IPO13: variants seen among roughly 807,000 people sequenced by gnomAD.
IPO13 encodes the protein importin-13.
A neutral mutation model predicts 115.5 loss-of-function variants in IPO13; 28 were observed. The ratio of observed to expected loss-of-function variants is 0.24; its 90% confidence interval spans 0.18 to 0.33. IPO13 has a LOEUF of 0.33. Among genes scored for constraint, IPO13 ranks in the 10% least tolerant of loss-of-function variants. The probability of loss-of-function intolerance (pLI) is 1.00; values close to 1 mark genes in which losing one functional copy is unlikely to be tolerated. For missense variants in IPO13, 785 were observed against 1,204.6 expected (o/e 0.65, Z 5.16); for synonymous variants, 414 against 478.9 (o/e 0.86, Z 1.77).
chr1:43,958,136 C>T lies in IPO13; in HGVS notation c.1700C>T (p.Ala567Val), dbSNP rs1351911138. Residue 567 changes from alanine to valine, a missense_variant, in exon 8 of 20, where the codon GCC becomes GTC. By Grantham distance (64) the Ala-to-Val change is moderately conservative. Transcript: ENST00000372343. The surrounding 1 kb of genome is among the most constrained non-coding windows in gnomAD (Gnocchi z 6.3). ...ECKYDLPPYA[A>V]NIVAVSQDVL... is the part of the protein sequence containing the mutation. ...AAGTATGACCTGCCTCCCTATGCTGCCAACATTGTGGCTGTGTCCCAGGTA... is the reference window on the plus strand; with the variant it reads ...AAGTATGACCTGCCTCCCTATGCTGTCAACATTGTGGCTGTGTCCCAGGTA... 6.2e-7 allele frequency: 1 copy of T among 1,614,210 alleles called. No individual in the cohort carries two copies. The highest frequency in any genetic ancestry group is 1.7e-5 in the Admixed American group (1 of 60,024).
chr1:43,958,199 C>T lies in IPO13; in HGVS notation c.1722+41C>T, dbSNP rs377622630. On this transcript the variant is annotated intron_variant, in intron 8 of 19. Transcript: ENST00000372343. This position sits in a 1 kb window ranked among gnomAD's most constrained non-coding sequence, Gnocchi z 6.3. Reference sequence around the variant, plus strand: ...GGATGGTGCTGGGCCTCAGAGCACACTCTGCACTGTGCTGATACTACATTC... The same window carrying T: ...GGATGGTGCTGGGCCTCAGAGCACATTCTGCACTGTGCTGATACTACATTC... 6 of 1,612,868 alleles carry T rather than the reference C, an allele frequency of 3.7e-6. No individual in the cohort carries two copies. In the African/African-American group the frequency reaches 8.0e-5, roughly 22 times the overall value.
intron 14 of IPO13, among the ~76,000 whole-genome samples, chr1:43,963,368 G>A (rs955789440): frequency 6.6e-6 from 1 of 152,168 alleles, no homozygotes; most frequent in African/African-American, 2.4e-5. Flanking sequence ...TGGTTGTCTC[G>A]CTGGACAGGA....
chr1:43,966,796 T>C lies in IPO13; in HGVS notation c.2523+14T>C, dbSNP rs2085328829. The stretch of plus-strand genomic sequence containing the variant: ...TGTGGCTTCTTTGTGAGTCCCATGC[T>C]GAACCCTGACCCACTGCCACCCCAG... On this transcript the variant is annotated intron_variant, in intron 17 of 19. Coordinates refer to ENST00000372343, the MANE Select transcript of IPO13 (RefSeq NM_014652.4). The surrounding 1 kb of genome is among the most constrained non-coding windows in gnomAD (Gnocchi z 4.1). 6.2e-7 allele frequency: 1 copy of C among 1,613,894 alleles called. No homozygotes were observed. Among genetic ancestry groups the C allele is most frequent in the Admixed American group, 1.7e-5 (1 of 59,992 alleles).
chr1:43,956,321 T>C lies in IPO13; in HGVS notation c.823T>C (p.Tyr275His). ...NAISQPDAQR[Y>H]VNTLLKLIPL... ...GATTTTCTCACCTCATGCCTCTAGGTACGTGAACACACTCCTGAAACTCAT... is the reference window on the plus strand; with the variant it reads ...GATTTTCTCACCTCATGCCTCTAGGCACGTGAACACACTCCTGAAACTCAT... Residue 275 changes from tyrosine (Y) to histidine (H), a missense_variant and splice_region_variant, in exon 3 of 20, where the codon TAC becomes CAC. Tyr to His is a moderately conservative substitution (Grantham distance 83, BLOSUM62 2). Transcript: ENST00000372343. This position sits in a 1 kb window ranked among gnomAD's most constrained non-coding sequence, Gnocchi z 4.7. 2 of 1,614,128 alleles carry C rather than the reference T, an allele frequency of 1.2e-6. No homozygotes were observed. Among genetic ancestry groups the C allele is most frequent in the Non-Finnish European group, 1.7e-6 (2 of 1,180,008 alleles).
rs372624545 is a variant in IPO13 at position 43,956,283 on chromosome 1, G to A, written c.822-37G>A. 1.2e-6 allele frequency: 2 copies of A among 1,611,710 alleles called. No homozygotes were observed. Among genetic ancestry groups the A allele is most frequent in the Non-Finnish European group, 1.7e-6 (2 of 1,178,382 alleles). On this transcript the variant is annotated intron_variant, in intron 2 of 19. Coordinates refer to ENST00000372343, the MANE Select transcript of IPO13 (RefSeq NM_014652.4). This position sits in a 1 kb window ranked among gnomAD's most constrained non-coding sequence, Gnocchi z 4.7. ...CTTAAAGCCAGTGTGGGGTTGAGCA[G>A]AGAGCTCTGATGGATTTTCTCACCT...
chr1:43,964,172 G>A lies in IPO13; in HGVS notation c.2345-97G>A, dbSNP rs1571772068. Reference sequence around the variant, plus strand: ...CTTCCTGCTGCTCATGTGCCCCCACGCTGTCTCCCTGCAGGCTCTCAGTCC... The same window carrying A: ...CTTCCTGCTGCTCATGTGCCCCCACACTGTCTCCCTGCAGGCTCTCAGTCC... On this transcript the variant is annotated intron_variant, in intron 14 of 19. Coordinates refer to ENST00000372343, the MANE Select transcript of IPO13 (RefSeq NM_014652.4). 8 of 781,928 alleles carry A rather than the reference G, an allele frequency of 1.0e-5. No homozygotes were observed. In the East Asian group the frequency reaches 1.6e-4, roughly 15 times the overall value. The allele number at this position is 781,928 out of a possible 1,614,324, so 48.4% of individuals were successfully genotyped here. A position where few individuals can be genotyped will look rare whatever the true frequency, so the allele number is the denominator to read the frequency against.
intron 7 of IPO13, 148 bp from the exon 8 acceptor site, chr1:43,957,829 A>G (rs1180404939): frequency 5.1e-6 from 4 of 785,214 alleles, no homozygotes; most frequent in African/African-American, 1.7e-5. Context: ...ATGTTTGAGC[A>G]TGCACATGCA....
In IPO13 at chr1:43,957,193, AG is replaced by A; in HGVS notation, c.1273del. The A allele has an allele frequency of 6.2e-7, 1 of 1,613,454 alleles. No homozygotes were observed. The highest frequency in any genetic ancestry group is 8.5e-7 in the Non-Finnish European group (1 of 1,179,498). ...TATAAAAGGCCTTCATCTGCTTCTC[AG>A]GGTGGACATCTCAGACACGCTCATG... is the stretch of plus-strand genomic sequence containing the variant. On this transcript the variant is annotated splice_acceptor_variant, in intron 5 of 19. Transcript: ENST00000372343. LOFTEE classifies it high-confidence loss of function.
chr1:43,947,827 G>C, intron 1 of IPO13, 143 bp downstream of exon 1: 1 of 426,774 alleles, frequency 2.3e-6, no homozygotes, highest in Non-Finnish European at 4.1e-6. Context: ...TTCTGGGCAG[G>C]CAGTATTGCA....
intron 2 of IPO13, 112 bp downstream of exon 2, chr1:43,950,265 C>A: frequency 7.8e-7 from 1 of 1,278,114 alleles, no homozygotes; most frequent in Admixed American, 2.7e-5. Flanking sequence ...TGGTCCTATG[C>A]TGGAGATACA....
intron 1 of IPO13, among the ~76,000 whole-genome samples, chr1:43,948,675 G>A (rs372835407): frequency 6.6e-6 from 1 of 152,224 alleles, no homozygotes; most frequent in African/African-American, 2.4e-5. Context: ...GCATGGTGGC[G>A]CACTGTTCCA....
Position 43,956,590 on chromosome 1 carries a change from G to C in IPO13, c.993G>C (p.Gln331His). Residue 331 changes from glutamine (Q) to histidine (H), a missense_variant, in exon 4 of 20, where the codon CAG becomes CAC. Around this residue, in one of 3 missense-constraint regions of IPO13, gnomAD observed 325 missense variants for 449.8 expected, o/e 0.72. Transcript: ENST00000372343. The surrounding 1 kb of genome is among the most constrained non-coding windows in gnomAD (Gnocchi z 4.7). ...RALLDQVEHW[Q>H]SFLALVNMIM... is the part of the protein sequence containing the mutation. ...TGCTGGACCAAGTAGAGCACTGGCAGAGTTTCCTGGCACTCGTCAACATGA... is the reference window on the plus strand; with the variant it reads ...TGCTGGACCAAGTAGAGCACTGGCACAGTTTCCTGGCACTCGTCAACATGA... 3.1e-6 allele frequency: 5 copies of C among 1,614,238 alleles called. No individual in the cohort carries two copies. Among genetic ancestry groups the C allele is most frequent in the Non-Finnish European group, 4.2e-6 (5 of 1,180,036 alleles).
At chr1:43,960,524 A>T (rs1398810239) in intron 12 of IPO13, among the ~76,000 whole-genome samples, 195 bp downstream of exon 12, 4 of 152,102 alleles carry the variant, frequency 2.6e-5, no homozygotes, top group African/African-American at 9.7e-5. Flanking sequence ...TAACGTAAGG[A>T]CTCTAATATT....
rs1247121401 is a variant in IPO13, at chr1:43,958,296, C to T, written c.1749+28C>T. The T allele has an allele frequency of 3.1e-6, 5 of 1,613,720 alleles. No individual in the cohort carries two copies. The Admixed American group carries it at 6.7e-5, about 22-fold the overall frequency. ...GCGGCTCAAAAGTTTCTAGGGGTCTCCTTGGAGGTCTTGTGGGAATCACTT... is the reference window on the plus strand; with the variant it reads ...GCGGCTCAAAAGTTTCTAGGGGTCTTCTTGGAGGTCTTGTGGGAATCACTT... On this transcript the variant is annotated intron_variant, in intron 9 of 19. Transcript: ENST00000372343. This position sits in a 1 kb window ranked among gnomAD's most constrained non-coding sequence, Gnocchi z 6.3.
rs774304073 is a variant in IPO13, at chr1:43,958,623, G to A, written c.1884+28G>A. 1.5e-5 allele frequency: 25 copies of A among 1,613,560 alleles called. No homozygotes were observed. The highest frequency in any genetic ancestry group is 9.9e-5 in the South Asian group (9 of 91,024). Reference sequence around the variant, plus strand: ...GAGTGAGCTCTGGGGGCCAGGGAGCGGTACTGAGATGCTGTGGCTGATGAG... The same window carrying A: ...GAGTGAGCTCTGGGGGCCAGGGAGCAGTACTGAGATGCTGTGGCTGATGAG... On this transcript the variant is annotated intron_variant, in intron 10 of 19. Coordinates refer to ENST00000372343, the MANE Select transcript of IPO13 (RefSeq NM_014652.4). This position sits in a 1 kb window ranked among gnomAD's most constrained non-coding sequence, Gnocchi z 6.3.
intron 2 of IPO13, among the ~76,000 whole-genome samples, chr1:43,953,652 C>T (rs990646683): frequency 2.0e-5 from 3 of 152,242 alleles, no homozygotes; most frequent in African/African-American, 7.2e-5. Flanking sequence ...AGCTTGCACT[C>T]AAGTCACCCT....
In IPO13 at chr1:43,956,650, T is replaced by C; in HGVS notation, c.1053T>C (p.Pro351=). 6.2e-7 allele frequency: 1 copy of C among 1,614,218 alleles called. No individual in the cohort carries two copies. The highest frequency in any genetic ancestry group is 1.7e-5 in the Admixed American group (1 of 60,028). ...GCACAGGCATCCCTGGCCACTATCCTGTCAATGAGACCACCAGCTCCCTAA... is the reference window on the plus strand; with the variant it reads ...GCACAGGCATCCCTGGCCACTATCCCGTCAATGAGACCACCAGCTCCCTAA... The part of the protein sequence containing the change: ...MFCTGIPGHY[P]VNETTSSLTL... The change falls in exon 4 of 20, where the codon CCT becomes CCC. Residue 351 remains proline (P), a synonymous_variant. Transcript: ENST00000372343. The surrounding 1 kb of genome is among the most constrained non-coding windows in gnomAD (Gnocchi z 4.7).
chr1:43,964,280 C>T lies in IPO13; in HGVS notation c.2356C>T (p.His786Tyr). Residue 786 changes from histidine (H) to tyrosine (Y), a missense_variant, in exon 15 of 20, where the codon CAT (histidine) becomes TAT (tyrosine). By Grantham distance (83) the His-to-Tyr change is moderately conservative. Coordinates refer to ENST00000372343, the MANE Select transcript of IPO13 (RefSeq NM_014652.4). The part of the protein sequence containing the change: ...LTLFQQGPRD[H>Y]PDIVDSFMQL... Reference sequence around the variant, plus strand: ...TTATTATATTTTAGGGCCCAGGGATCATCCTGATATTGTTGATTCATTTAT... The same window carrying T: ...TTATTATATTTTAGGGCCCAGGGATTATCCTGATATTGTTGATTCATTTAT... 1 of 1,609,188 alleles carries T rather than the reference C, an allele frequency of 6.2e-7. No individual in the cohort carries two copies. The highest frequency in any genetic ancestry group is 8.5e-7 in the Non-Finnish European group (1 of 1,176,084).
chr1:43,959,629 G>C (rs1357313462), intron 11 of IPO13, among the ~76,000 whole-genome samples: 1 of 152,174 alleles, frequency 6.6e-6, no homozygotes. Context: ...GATTTCTCCA[G>C]GAGAAAAGGA....
Sources: allele counts gnomAD v4.1 joint callset (sites outside exome capture counted in the v4.1 genomes callset), GRCh38; gene constraint gnomAD v4.1.1; regional missense constraint gnomAD v4.1.1; non-coding constraint Gnocchi (gnomAD v3.1); transcripts MANE v1.5; gene names NCBI Gene and HGNC (gene_info 2026-07-23, HGNC 2026-07-21).